The following KCNAB2 variants were observed in gnomAD, a reference collection of about 807,000 sequenced individuals.
KCNAB2 encodes potassium voltage-gated channel subfamily A regulatory beta subunit 2.
Under a neutral mutation model 63.6 loss-of-function variants are expected in KCNAB2, and 29 were observed. The ratio of observed to expected loss-of-function variants is 0.46; its 90% CI spans 0.34 to 0.62. The LOEUF (loss-of-function observed/expected upper bound fraction) is 0.62, where lower values mean the gene tolerates loss of function less well. Among genes scored for constraint, KCNAB2 ranks in the 20% least tolerant of loss-of-function variants. KCNAB2 has a pLI of 0.01. For synonymous variants in KCNAB2, 222 were observed against 224.2 expected (o/e 0.99, Z 0.09); for missense variants, 359 against 563.9 (o/e 0.64, Z 3.68).
At chr1:6,033,601 T>C (rs1274375760), upstream of KCNAB2, among the ~76,000 whole-genome samples, 1 of 152,014 alleles carries the variant, frequency 6.6e-6, no homozygotes, top group African/African-American at 2.4e-5. Context: ...CGATCAAGAG[T>C]ATATGGGTAT....
At chr1:6,014,381 C>T (rs1293650741) in intron 1 of KCNAB2, among the ~76,000 whole-genome samples, 5 of 152,236 alleles carry the variant, frequency 3.3e-5, no homozygotes, top group South Asian at 2.1e-4. Flanking sequence ...CGCAGCACCA[C>T]GTCGGACAGT....
Position 6,074,431 on chromosome 1 carries a change from G to C in KCNAB2, c.300+661G>C, listed in dbSNP as rs1442351065. On this transcript the variant is annotated intron_variant, in intron 4 of 15. Transcript: ENST00000378083. This position sits in a 1 kb window ranked among gnomAD's most constrained non-coding sequence, Gnocchi z 4.9. The stretch of plus-strand genomic sequence containing the variant: ...CCAGACATGTGTGCTTCTGGACAGT[G>C]AGGCAGCATCTCAGAAATGAGAGCA... Among the ~76,000 whole-genome samples, 1 of 152,222 alleles carries C rather than the reference G, an allele frequency of 6.6e-6. No individual in the cohort carries two copies. Among genetic ancestry groups the C allele is most frequent in the Non-Finnish European group, 1.5e-5 (1 of 68,040 alleles).
chr1:6,005,921 TC>T (rs753472014), intron 1 of KCNAB2, among the ~76,000 whole-genome samples: 1,461 of 101,798 alleles, frequency 0.014, 41 homozygotes, highest in Middle Eastern at 0.027. Flanking sequence ...AGCTCCCACA[TC>T]CCCCCACTCC....
intron 2 of KCNAB2, among the ~76,000 whole-genome samples, chr1:6,051,999 G>T (rs182285427): frequency 5.3e-5 from 8 of 152,300 alleles, no homozygotes; most frequent in African/African-American, 1.9e-4. Context: ...CTACTCAGGA[G>T]GCTGAGGCAG....
upstream of KCNAB2, among the ~76,000 whole-genome samples, chr1:6,029,389 A>G (rs1330595912): frequency 3.9e-5 from 6 of 152,148 alleles, no homozygotes; most frequent in East Asian, 1.9e-4. Context: ...GTGTTGTAAC[A>G]AGGCCGAGGA....
intron 1 of KCNAB2, among the ~76,000 whole-genome samples, chr1:6,010,569 G>A (rs1253038720): frequency 6.6e-6 from 1 of 152,272 alleles, no homozygotes; most frequent in Non-Finnish European, 1.5e-5. Flanking sequence ...TGTGTCTGGG[G>A]ATTGAAGAGA....
chr1:6,055,609 G>A (rs982242418), intron 2 of KCNAB2, among the ~76,000 whole-genome samples: 2 of 152,144 alleles, frequency 1.3e-5, no homozygotes, highest in Non-Finnish European at 2.9e-5. Flanking sequence ...GCCCACCTTG[G>A]CATCCCAAAG....
At chr1:6,010,226 T>C (rs951520289) in intron 1 of KCNAB2, among the ~76,000 whole-genome samples, 1 of 152,162 alleles carries the variant, frequency 6.6e-6, no homozygotes, top group African/African-American at 2.4e-5. Flanking sequence ...GTTAAACTTA[T>C]TTCTTAAATA....
chr1:6,067,154 C>T (rs1037791626), intron 2 of KCNAB2, among the ~76,000 whole-genome samples: 7 of 152,200 alleles, frequency 4.6e-5, no homozygotes, highest in Non-Finnish European at 1.0e-4. Flanking sequence ...GAGTCCAGAG[C>T]CTTGATTGCG....
intron 2 of KCNAB2, among the ~76,000 whole-genome samples, chr1:6,065,018 C>T (rs573976739): frequency 1.3e-5 from 2 of 152,180 alleles, no homozygotes; most frequent in East Asian, 3.9e-4. Context: ...CTTCCTTGGG[C>T]CATCTGTGTC....
intron 2 of KCNAB2, among the ~76,000 whole-genome samples, chr1:6,056,946 C>T (rs1661882664): frequency 6.6e-6 from 1 of 152,034 alleles, no homozygotes; most frequent in African/African-American, 2.4e-5. Context: ...ACCCCTCCTC[C>T]ATCTCGGTTG....
At chr1:6,088,513 A>T (rs1316595586) in intron 7 of KCNAB2, among the ~76,000 whole-genome samples, 1 of 151,680 alleles carries the variant, frequency 6.6e-6, no homozygotes, top group Non-Finnish European at 1.5e-5. Context: ...TTCCCAAAGC[A>T]CTAGGATTGC....
At chr1:6,092,081 T>C (rs963926543) in intron 10 of KCNAB2, among the ~76,000 whole-genome samples, 1 of 152,170 alleles carries the variant, frequency 6.6e-6, no homozygotes, top group Non-Finnish European at 1.5e-5. Flanking sequence ...TGAACCCCCA[T>C]GTATTATTTG....
At chr1:6,010,900 G>A (rs1360653286) in intron 1 of KCNAB2, among the ~76,000 whole-genome samples, 2 of 152,238 alleles carry the variant, frequency 1.3e-5, no homozygotes, top group African/African-American at 2.4e-5. Context: ...GAGGTGCATG[G>A]ACAGTCCTGG....
At chr1:6,021,908 G>C (rs527247398) in intron 1 of KCNAB2, among the ~76,000 whole-genome samples, 1 of 146,868 alleles carries the variant, frequency 6.8e-6, no homozygotes, top group Admixed American at 6.8e-5. Context: ...TGGTATTGAG[G>C]GTAAAGTGCA....
intron 8 of KCNAB2, 53 bp downstream of exon 8, chr1:6,089,104 G>T (rs746744342): frequency 6.6e-7 from 1 of 1,516,344 alleles, no homozygotes; most frequent in Non-Finnish European, 8.9e-7. Flanking sequence ...GATCATCCTC[G>T]GAGGCCAAAG....
chr1:6,005,532 C>G (rs1657613564), intron 1 of KCNAB2, among the ~76,000 whole-genome samples: 1 of 149,744 alleles, frequency 6.7e-6, no homozygotes, highest in African/African-American at 2.5e-5. Flanking sequence ...GGACCTGGAG[C>G]CGACTGAGGG....
At chr1:6,067,783 A>T (rs1662876553) in intron 2 of KCNAB2, among the ~76,000 whole-genome samples, 2 of 152,210 alleles carry the variant, frequency 1.3e-5, no homozygotes, top group African/African-American at 2.4e-5. Flanking sequence ...TGATCCCAGC[A>T]CTTTGGGAGA....
chr1:6,033,871 T>C (rs866887106), upstream of KCNAB2, among the ~76,000 whole-genome samples: 9 of 152,184 alleles, frequency 5.9e-5, no homozygotes, highest in South Asian at 6.2e-4. Context: ...CATGCTTCAG[T>C]TTCTCCAAAT....
Sources: allele counts gnomAD v4.1 joint callset (sites outside exome capture counted in the v4.1 genomes callset), GRCh38; gene constraint gnomAD v4.1.1; non-coding constraint Gnocchi (gnomAD v3.1); transcripts MANE v1.5; gene names NCBI Gene and HGNC (gene_info 2026-07-23, HGNC 2026-07-21).